The following SP2 variants were observed in gnomAD, a reference collection of about 807,000 sequenced individuals.
The protein encoded by SP2 is Sp2 transcription factor, also known as transcription factor Sp2.
A neutral mutation model predicts 50.1 loss-of-function variants in SP2; 9 were observed. The ratio of observed to expected loss-of-function variants is 0.18; its 90% confidence interval spans 0.11 to 0.31. SP2 has a LOEUF of 0.31. Among genes scored for constraint, SP2 ranks in the 10% least tolerant of loss-of-function variants. SP2 has a pLI of 1.00. For missense variants in SP2, 581 were observed against 806.5 expected, an observed-to-expected ratio of 0.72 and a Z score of 3.39; for synonymous variants, 313 against 326.6, an observed-to-expected ratio of 0.96 and a Z score of 0.45.
intron 1 of SP2, among the ~76,000 whole-genome samples, chr17:47,900,574 C>T (rs761535325): frequency 1.0e-3 from 155 of 152,086 alleles, no homozygotes; most frequent in Non-Finnish European, 1.7e-3. Flanking sequence ...GTCAGGAGTT[C>T]GAGACCAGCC....
intron 1 of SP2, 42 bp from the exon 2 acceptor site, chr17:47,915,270 T>C: frequency 7.1e-7 from 1 of 1,406,106 alleles, no homozygotes; most frequent in Non-Finnish European, 9.8e-7. Flanking sequence ...TGCGTTCTTT[T>C]TGGGCATTTT....
downstream of SP2, among the ~76,000 whole-genome samples, chr17:47,929,311 G>A (rs1477241487): frequency 6.6e-6 from 1 of 152,210 alleles, no homozygotes; most frequent in African/African-American, 2.4e-5. Flanking sequence ...CCAACCCCTG[G>A]AGGAAGGCAT....
chr17:47,913,215 TTTTG>T (rs1470343531), intron 1 of SP2, among the ~76,000 whole-genome samples: 1 of 151,650 alleles, frequency 6.6e-6, no homozygotes, highest in Admixed American at 6.6e-5. Flanking sequence ...CCCTGCGCCT[TTTTG>T]TTTGTTTTTT....
chr17:47,913,231 T>C (rs4794286), intron 1 of SP2, among the ~76,000 whole-genome samples: 42,490 of 151,742 alleles, frequency 0.28, 6,824 homozygotes, highest in Middle Eastern at 0.4. Context: ...TTGTTTTTTT[T>C]TTAAGAGATG....
intron 3 of SP2, chr17:47,918,538 G>A (rs575079143): frequency 4.8e-4 from 73 of 152,276 alleles, no homozygotes; most frequent in African/African-American, 1.7e-3. Flanking sequence ...ATTTCTTGAG[G>A]TTGATGGAGA....
Position 47,916,390 on chromosome 17 carries a change from G to A in SP2, c.319G>A (p.Gly107Arg), listed in dbSNP as rs1965075043. The A allele has an allele frequency of 6.2e-7, 1 of 1,613,954 alleles. No individual in the cohort carries two copies. The highest frequency in any genetic ancestry group is 1.3e-5 in the African/African-American group (1 of 74,856). ...QGSQLSASYP[G>R]GQLVFAIQNP... ...GTCACAACTGAGCGCCTCCTATCCTGGAGGGCAGCTGGTGTTCGCTATCCA... is the reference window on the plus strand; with the variant it reads ...GTCACAACTGAGCGCCTCCTATCCTAGAGGGCAGCTGGTGTTCGCTATCCA... Residue 107 changes from glycine (G) to arginine (R), a missense_variant, in exon 3 of 7, where the codon GGA (glycine) becomes AGA (arginine). This residue lies in a region of SP2 where 397 missense variants were observed against 491.0 expected (regional missense o/e 0.81). Transcript: ENST00000376741. This position sits in a 1 kb window ranked among gnomAD's most constrained non-coding sequence, Gnocchi z 4.7.
At chr17:47,913,985 T>C (rs1005085196) in intron 1 of SP2, among the ~76,000 whole-genome samples, 2 of 152,266 alleles carry the variant, frequency 1.3e-5, no homozygotes, top group African/African-American at 4.8e-5. Flanking sequence ...CTCCTTGTTA[T>C]ATCCAGTTAG....
At chr17:47,918,254 C>A (rs1444339246) in intron 3 of SP2, among the ~76,000 whole-genome samples, 2 of 152,104 alleles carry the variant, frequency 1.3e-5, no homozygotes, top group African/African-American at 4.8e-5. Context: ...TGAATTTGAA[C>A]TGTGGACATA....
intron 1 of SP2, chr17:47,897,422 C>T (rs1386686504): frequency 6.6e-6 from 1 of 152,248 alleles, no homozygotes; most frequent in Non-Finnish European, 1.5e-5. Flanking sequence ...GAGGTTACTT[C>T]TTGTTCACTT....
Position 47,916,572 on chromosome 17 carries a change from C to T in SP2, c.501C>T (p.Ile167=). Reference sequence around the variant, plus strand: ...TCCCTGGCACCAACCAAGCCATCATCACCCCCTCACCGTCCAGTCACAAGC... The same window carrying T: ...TCCCTGGCACCAACCAAGCCATCATTACCCCCTCACCGTCCAGTCACAAGC... ...QIIPGTNQAI[I]TPSPSSHKPV... is the part of the protein sequence containing the mutation. The change falls in exon 3 of 7, where the codon ATC becomes ATT. Residue 167 remains isoleucine (I), a synonymous_variant. Coordinates refer to ENST00000376741, the MANE Select transcript of SP2 (RefSeq NM_003110.6). This position sits in a 1 kb window ranked among gnomAD's most constrained non-coding sequence, Gnocchi z 4.7. 1.9e-6 allele frequency: 3 copies of T among 1,614,180 alleles called. No homozygotes were observed. The highest frequency in any genetic ancestry group is 2.2e-5 in the East Asian group (1 of 44,882).
chr17:47,910,532 G>A (rs866065633), intron 1 of SP2, among the ~76,000 whole-genome samples: 1 of 152,166 alleles, frequency 6.6e-6, no homozygotes, highest in Non-Finnish European at 1.5e-5. Context: ...ATGAATCTGT[G>A]TGTCAGCTCA....
chr17:47,913,659 C>T (rs907546441), intron 1 of SP2, among the ~76,000 whole-genome samples: 1 of 152,150 alleles, frequency 6.6e-6, no homozygotes, highest in Non-Finnish European at 1.5e-5. Flanking sequence ...CTTCCCACCT[C>T]GGCTTCCCAA....
chr17:47,923,366 A>C, intron 4 of SP2, 92 bp downstream of exon 4: 1 of 1,032,928 alleles, frequency 9.7e-7, no homozygotes, highest in Non-Finnish European at 1.4e-6. Context: ...TCCAGTAACA[A>C]TAGTGAGGAT....
At chr17:47,903,848 C>T (rs1007276378) in intron 1 of SP2, among the ~76,000 whole-genome samples, 1 of 152,028 alleles carries the variant, frequency 6.6e-6, no homozygotes, top group Non-Finnish European at 1.5e-5. Context: ...CCTGTATTCC[C>T]AGCTACTCAG....
At chr17:47,913,609 T>C (rs979937177) in intron 1 of SP2, among the ~76,000 whole-genome samples, 2 of 152,154 alleles carry the variant, frequency 1.3e-5, no homozygotes, top group African/African-American at 4.8e-5. Flanking sequence ...GGTCTAACTG[T>C]GTTGCTTAGG....
At chr17:47,897,455 G>A (rs1460212307) in intron 1 of SP2, 1 of 152,246 alleles carries the variant, frequency 6.6e-6, no homozygotes, top group Non-Finnish European at 1.5e-5. Context: ...AGAAAGGTAT[G>A]AGCCAGTAGA....
chr17:47,909,621 C>T, intron 1 of SP2: 1 of 739,600 alleles, frequency 1.4e-6, no homozygotes, highest in Non-Finnish European at 1.7e-6. Flanking sequence ...TTATTAGAGC[C>T]TCACAGAAAT....
chr17:47,896,423 C>A, intron 1 of SP2, 130 bp downstream of exon 1: 12 of 680,522 alleles, frequency 1.8e-5, no homozygotes, highest in Non-Finnish European at 2.3e-5. Context: ...CGGGGCCCGG[C>A]TTCAGGAGGG....
At position 47,914,486 on chromosome 17, in the gene SP2, C is replaced by A. The variant is rs193208168; in HGVS notation, c.8-826C>A. Among the ~76,000 whole-genome samples, 654 of 152,240 alleles carry A rather than the reference C, an allele frequency of 4.3e-3. 4 individuals carry two copies. Among genetic ancestry groups the A allele is most frequent in the African/African-American group, 0.013 (534 of 41,532 alleles). ...AGACTTGGCAGTGGAGCAGGTGTGT[C>A]CTCCTTGTCAGAAATCTTGGCTGAG... On this transcript the variant is annotated intron_variant, in intron 1 of 6. Coordinates refer to ENST00000376741, the MANE Select transcript of SP2 (RefSeq NM_003110.6).
Sources: allele counts gnomAD v4.1 joint callset (sites outside exome capture counted in the v4.1 genomes callset), GRCh38; gene constraint gnomAD v4.1.1; regional missense constraint gnomAD v4.1.1; non-coding constraint Gnocchi (gnomAD v3.1); transcripts MANE v1.5; gene names NCBI Gene and HGNC (gene_info 2026-07-23, HGNC 2026-07-21).